Variants in GRM7 observed in about 807,000 individuals in gnomAD.
The protein encoded by GRM7 is glutamate metabotropic receptor 7, also known as metabotropic glutamate receptor 7.
Under a neutral mutation model 84.5 loss-of-function variants are expected in GRM7, and 35 were observed. That is an observed-to-expected ratio of 0.41 (90% confidence interval 0.32 to 0.55). GRM7 has a LOEUF of 0.55. Among genes scored for constraint, GRM7 ranks in the 20% least tolerant of loss-of-function variants. The pLI, the probability that GRM7 is intolerant of heterozygous loss-of-function variation, is 0.19. For missense variants in GRM7, 1,003 were observed against 1,194.6 expected (o/e 0.84, Z 2.36); for synonymous variants, 487 against 455.1 (o/e 1.07, Z -0.89).
At chr3:7,099,342 A>G (rs1698981894) in intron 1 of GRM7, among the ~76,000 whole-genome samples, 1 of 142,008 alleles carries the variant, frequency 7.0e-6, no homozygotes, top group Non-Finnish European at 1.5e-5. Context: ...CATGTATTAT[A>G]CATGTATATA....
At chr3:7,649,505 T>G (rs1483618256) in intron 8 of GRM7, among the ~76,000 whole-genome samples, 2 of 152,192 alleles carry the variant, frequency 1.3e-5, no homozygotes, top group Non-Finnish European at 2.9e-5. Context: ...TGATAGTGGT[T>G]ATTTTTGTCT....
intron 4 of GRM7, among the ~76,000 whole-genome samples, chr3:7,363,537 A>T (rs1693757969): frequency 1.3e-5 from 2 of 152,142 alleles, no homozygotes; most frequent in South Asian, 4.1e-4. Flanking sequence ...GCTTATGATT[A>T]TATACAAGTT....
At chr3:7,319,775 T>C (rs1700707265) in intron 4 of GRM7, among the ~76,000 whole-genome samples, 1 of 152,190 alleles carries the variant, frequency 6.6e-6, no homozygotes, top group Non-Finnish European at 1.5e-5. Context: ...AACTGTTCTT[T>C]AGACATATTT....
chr3:7,544,939 C>T (rs1486870393), intron 7 of GRM7, among the ~76,000 whole-genome samples: 3 of 152,188 alleles, frequency 2.0e-5, no homozygotes, highest in East Asian at 3.9e-4. Context: ...GGGGCATTAT[C>T]ACTCCTTGTT....
chr3:7,311,105 A>C, intron 4 of GRM7, among the ~76,000 whole-genome samples: 1 of 152,324 alleles, frequency 6.6e-6, no homozygotes, highest in East Asian at 1.9e-4. Context: ...CTTTATGAAC[A>C]AGTTCTAGAG....
intron 8 of GRM7, among the ~76,000 whole-genome samples, chr3:7,601,005 A>G (rs1038822892): frequency 2.6e-5 from 4 of 152,066 alleles, no homozygotes; most frequent in African/African-American, 9.7e-5. Context: ...AATCCCTAAT[A>G]CTTGCCGTGA....
At chr3:7,144,437 A>C (rs1304901020) in intron 1 of GRM7, among the ~76,000 whole-genome samples, 1 of 152,226 alleles carries the variant, frequency 6.6e-6, no homozygotes, top group Non-Finnish European at 1.5e-5. Flanking sequence ...TTACTTTGAA[A>C]GCAGTAATGA....
At chr3:7,269,153 C>T (rs776747729) in intron 2 of GRM7, among the ~76,000 whole-genome samples, 9 of 152,210 alleles carry the variant, frequency 5.9e-5, no homozygotes, top group Non-Finnish European at 1.0e-4. Flanking sequence ...CATGCTTTTC[C>T]ATCGAAGCAC....
At chr3:7,332,430 C>T (rs1210135010) in intron 4 of GRM7, among the ~76,000 whole-genome samples, 2 of 152,158 alleles carry the variant, frequency 1.3e-5, no homozygotes, top group Non-Finnish European at 2.9e-5. Context: ...GAAATATATT[C>T]ACCATATCAA....
At chr3:6,872,779 C>T (rs1230758871) in intron 1 of GRM7, among the ~76,000 whole-genome samples, 1 of 152,166 alleles carries the variant, frequency 6.6e-6, no homozygotes, top group African/African-American at 2.4e-5. Context: ...CATGTCCCTA[C>T]AAAGGACATG....
rs764841143 is a variant in GRM7 at position 7,579,006 on chromosome 3, A to T, written c.2100A>T (p.Thr700=). 21 of 1,614,076 alleles carry T rather than the reference A, an allele frequency of 1.3e-5. No individual in the cohort carries two copies. Among genetic ancestry groups the T allele is most frequent in the Non-Finnish European group, 1.8e-5 (21 of 1,179,966 alleles). The change falls in exon 8 of 10, where the codon ACA becomes ACT. Residue 700 remains threonine, a synonymous_variant. Transcript: ENST00000357716. The part of the protein sequence containing the change: ...SVTAPRLISP[T]SQLAITSSLI... ...CAGCTCCCAGACTCATAAGCCCAAC[A>T]TCACAACTGGCAATCACTTCCAGTT... is the stretch of plus-strand genomic sequence containing the variant.
intron 1 of GRM7, among the ~76,000 whole-genome samples, chr3:6,873,707 C>T (rs1032279195): frequency 6.6e-6 from 1 of 152,166 alleles, no homozygotes; most frequent in African/African-American, 2.4e-5. Flanking sequence ...TCCATTATCC[C>T]CTAACTCCAG....
intron 6 of GRM7, among the ~76,000 whole-genome samples, chr3:7,456,622 G>A (rs961077450): frequency 6.6e-6 from 1 of 151,624 alleles, no homozygotes; most frequent in Non-Finnish European, 1.5e-5. Context: ...AGGGCTTCCT[G>A]CATCATTCCT....
chr3:7,452,019 G>A (rs1697790351), intron 5 of GRM7, among the ~76,000 whole-genome samples: 1 of 152,140 alleles, frequency 6.6e-6, no homozygotes, highest in Non-Finnish European at 1.5e-5. Context: ...GAGGCCATTG[G>A]TGGAGTGTTT....
At chr3:7,061,061 A>AT (rs932581520) in intron 1 of GRM7, among the ~76,000 whole-genome samples, 1 of 151,888 alleles carries the variant, frequency 6.6e-6, no homozygotes, top group African/African-American at 2.4e-5. Flanking sequence ...TAGTACAGGC[A>AT]TTTTTTGATG....
At chr3:7,419,625 C>G (rs1025061283) in intron 5 of GRM7, among the ~76,000 whole-genome samples, 1 of 152,114 alleles carries the variant, frequency 6.6e-6, no homozygotes, top group Non-Finnish European at 1.5e-5. Flanking sequence ...TGGGCAACAT[C>G]TTATGGCTTA....
chr3:7,569,908 C>T (rs1450202728), intron 7 of GRM7, among the ~76,000 whole-genome samples: 1 of 152,176 alleles, frequency 6.6e-6, no homozygotes, highest in Non-Finnish European at 1.5e-5. Flanking sequence ...GCAACACTCA[C>T]CGCGAGGGTC....
At chr3:6,954,057 A>C (rs1692913259) in intron 1 of GRM7, among the ~76,000 whole-genome samples, 1 of 146,560 alleles carries the variant, frequency 6.8e-6, no homozygotes, top group Non-Finnish European at 1.5e-5. Flanking sequence ...CTTCAACAAA[A>C]AAAATTGGTA....
intron 4 of GRM7, among the ~76,000 whole-genome samples, chr3:7,375,824 A>G (rs1356299074): frequency 6.6e-6 from 1 of 152,186 alleles, no homozygotes; most frequent in Non-Finnish European, 1.5e-5. Flanking sequence ...GACTTCCTTT[A>G]GCCTAATTCC....
Sources: gnomAD v4.1 joint callset for allele counts (sites outside exome capture counted in the v4.1 genomes callset) on GRCh38, gnomAD v4.1.1 for gene constraint, MANE v1.5 for transcripts, NCBI Gene and HGNC (gene_info 2026-07-23, HGNC 2026-07-21) for gene names.